Variants in ANO1 observed in about 807,000 individuals in gnomAD.
The protein encoded by ANO1 is anoctamin-1.
Under a neutral mutation model 124.0 loss-of-function variants are expected in ANO1, and 59 were observed. That is an observed-to-expected ratio of 0.48 (90% CI 0.39 to 0.59). The LOEUF is 0.59. ANO1 is among the 20% of genes least tolerant of loss of function. The probability of loss-of-function intolerance (pLI) is 0.00; values close to 1 mark genes in which losing one functional copy is unlikely to be tolerated. For synonymous variants in ANO1, 529 were observed against 532.0 expected, an observed-to-expected ratio of 0.99 and a Z score of 0.08; for missense variants, 1,059 against 1,328.0, an observed-to-expected ratio of 0.80 and a Z score of 3.15.
chr11:69,991,353 C>T (rs1856150452), intron 1 of ANO1, among the ~76,000 whole-genome samples: 1 of 152,192 alleles, frequency 6.6e-6, no homozygotes, highest in African/African-American at 2.4e-5. Flanking sequence ...TTGGGATGCC[C>T]TGTGGACATT....
At chr11:70,145,950 A>C (rs534701552) in intron 11 of ANO1, among the ~76,000 whole-genome samples, 42 of 142,418 alleles carry the variant, frequency 2.9e-4, no homozygotes, top group South Asian at 1.5e-3. Context: ...AAACAAAAAA[A>C]AAAAAAAAAA....
At chr11:69,978,477 G>A in the ANO1 span, among the ~76,000 whole-genome samples, 2 of 152,106 alleles carry the variant, frequency 1.3e-5, no homozygotes, top group Non-Finnish European at 2.9e-5. Context: ...CAGCCTCCCA[G>A]GTAGCTGGGA....
In ANO1 at chr11:70,156,005, C is replaced by T. The variant is rs918752894; in HGVS notation, c.1503+17C>T. ...GTGAAATTGGTACTTTTCTATTTTG[C>T]GGGCAGCGCGCGTCTTGACTGTTTG... is the stretch of plus-strand genomic sequence containing the variant. On this transcript the variant is annotated intron_variant, in intron 15 of 25. Transcript: ENST00000355303. The T allele has an allele frequency of 1.4e-5, 21 of 1,507,286 alleles. No homozygotes were observed. Among genetic ancestry groups the T allele is most frequent in the African/African-American group, 2.8e-5 (2 of 70,276 alleles). The allele number at this position is 1,507,286 out of a possible 1,614,324, so 93.4% of individuals were successfully genotyped here.
chr11:69,974,326 AAAT>A, the ANO1 span, among the ~76,000 whole-genome samples: 2 of 152,194 alleles, frequency 1.3e-5, no homozygotes, highest in Non-Finnish European at 2.9e-5. Context: ...CTCTGTCTCA[AAAT>A]AATAACAATA....
intron 1 of ANO1, among the ~76,000 whole-genome samples, chr11:70,032,848 G>A (rs1217663452): frequency 6.6e-6 from 1 of 150,396 alleles, no homozygotes; most frequent in Non-Finnish European, 1.5e-5. Flanking sequence ...AGGGAAAGAG[G>A]GAAAGTAGAA....
At chr11:70,074,624 G>A (rs1555009779), upstream of ANO1, among the ~76,000 whole-genome samples, 2 of 152,228 alleles carry the variant, frequency 1.3e-5, no homozygotes, top group Non-Finnish European at 1.5e-5. Context: ...TTGACATGCA[G>A]GTGAGGGCTG....
upstream of ANO1, chr11:70,074,966 G>A (rs976377298): frequency 3.9e-5 from 6 of 152,316 alleles, no homozygotes; most frequent in Admixed American, 2.0e-4. Context: ...CTTGGTCCTC[G>A]CCTACCATCC....
intron 1 of ANO1, among the ~76,000 whole-genome samples, chr11:70,005,122 A>G (rs1276405857): frequency 6.6e-6 from 1 of 151,954 alleles, no homozygotes; most frequent in Non-Finnish European, 1.5e-5. Flanking sequence ...CAAAAAAAAA[A>G]AAAAAATTGG....
At chr11:70,069,537 G>A (rs141934360) in intron 1 of ANO1, among the ~76,000 whole-genome samples, 2 of 151,464 alleles carry the variant, frequency 1.3e-5, no homozygotes, top group African/African-American at 4.8e-5. Flanking sequence ...CTTAAAGGGG[G>A]AGGAGGACAC....
chr11:70,007,658 A>T (rs1488912056), intron 1 of ANO1, among the ~76,000 whole-genome samples: 2 of 152,158 alleles, frequency 1.3e-5, no homozygotes, highest in Non-Finnish European at 2.9e-5. Flanking sequence ...TCAGCTGATG[A>T]CTAGTTAGGT....
chr11:70,095,007 G>A (rs376650291), intron 2 of ANO1, among the ~76,000 whole-genome samples: 3 of 152,224 alleles, frequency 2.0e-5, no homozygotes, highest in African/African-American at 7.2e-5. Context: ...AGGAGATCAA[G>A]TCCAGCTTGG....
rs375222863 is a variant in ANO1, at chr11:70,161,583, C to T, written c.1781-39C>T. The T allele has an allele frequency of 3.7e-6, 6 of 1,602,744 alleles. No homozygotes were observed. The African/African-American group carries it at 8.0e-5, about 21-fold the overall frequency. On this transcript the variant is annotated intron_variant, in intron 17 of 25. Coordinates refer to ENST00000355303, the MANE Select transcript of ANO1 (RefSeq NM_018043.7). ...CTGGACCAGGCTGTTGGGGGCCATCCCAGCCACAGCCTCAGTATCATCCTA... is the reference window on the plus strand; with the variant it reads ...CTGGACCAGGCTGTTGGGGGCCATCTCAGCCACAGCCTCAGTATCATCCTA...
intron 1 of ANO1, among the ~76,000 whole-genome samples, chr11:70,005,433 G>A (rs994221691): frequency 1.3e-5 from 2 of 152,126 alleles, no homozygotes; most frequent in South Asian, 4.1e-4. Flanking sequence ...GAAATAAAAC[G>A]TTCTTGTTGG....
chr11:70,169,861 G>C (rs1361470310), intron 21 of ANO1: 1 of 231,024 alleles, frequency 4.3e-6, no homozygotes, highest in African/African-American at 2.3e-5. Context: ...CATTCTGCTG[G>C]CTTCCTTGTT....
At chr11:70,035,318 T>C (rs1857075917) in intron 1 of ANO1, among the ~76,000 whole-genome samples, 1 of 152,122 alleles carries the variant, frequency 6.6e-6, no homozygotes, top group African/African-American at 2.4e-5. Context: ...CAGCTGAGCG[T>C]GTGGAGAGAA....
intron 1 of ANO1, among the ~76,000 whole-genome samples, chr11:70,016,634 C>T (rs1054398202): frequency 4.6e-5 from 7 of 152,178 alleles, no homozygotes; most frequent in South Asian, 2.1e-4. Flanking sequence ...CTCCTGGGAG[C>T]GCGGGGCATG....
At chr11:70,129,078 TCCTG>T (rs892040537) in intron 10 of ANO1, among the ~76,000 whole-genome samples, 1 of 152,178 alleles carries the variant, frequency 6.6e-6, no homozygotes, top group African/African-American at 2.4e-5. Flanking sequence ...ACTGGGGACG[TCCTG>T]CCCCCAACCC....
the ANO1 span, among the ~76,000 whole-genome samples, chr11:69,974,002 G>A: frequency 2.6e-5 from 4 of 152,058 alleles, no homozygotes; most frequent in South Asian, 2.1e-4. Flanking sequence ...GGGAAGATAG[G>A]GTTCAGAAAG....
intron 1 of ANO1, among the ~76,000 whole-genome samples, chr11:70,059,653 C>T (rs1479619325): frequency 3.9e-5 from 6 of 152,004 alleles, no homozygotes; most frequent in African/African-American, 1.5e-4. Context: ...GCATGGCAGG[C>T]AGAACATTGA....
Sources: allele counts gnomAD v4.1 joint callset (sites outside exome capture counted in the v4.1 genomes callset), GRCh38; gene constraint gnomAD v4.1.1; transcripts MANE v1.5; gene names NCBI Gene and HGNC (gene_info 2026-07-23, HGNC 2026-07-21).